TLL1: variants seen among roughly 807,000 people sequenced by gnomAD.
TLL1 encodes tolloid-like protein 1.
Under a neutral mutation model 128.2 loss-of-function variants are expected in TLL1, and 49 were observed. The ratio of observed to expected loss-of-function variants is 0.38; its 90% confidence interval spans 0.30 to 0.48. The LOEUF (loss-of-function observed/expected upper bound fraction) is 0.48. Ranked by LOEUF, TLL1 falls within the 20% of genes least tolerant of loss-of-function variation. The pLI is 0.96. For synonymous variants in TLL1, 454 were observed against 418.8 expected (o/e 1.08, Z -1.03); for missense variants, 1,123 against 1,242.0 (o/e 0.90, Z 1.44).
chr4:165,875,669 T>C (rs1668193234), intron 1 of TLL1, among the ~76,000 whole-genome samples: 1 of 152,222 alleles, frequency 6.6e-6, no homozygotes, highest in Admixed American at 6.5e-5. Context: ...TCCTTAAATG[T>C]ACTTTTTGCT....
At chr4:166,079,409 A>G (rs1046914645) in intron 18 of TLL1, among the ~76,000 whole-genome samples, 1 of 152,172 alleles carries the variant, frequency 6.6e-6, no homozygotes, top group Non-Finnish European at 1.5e-5. Context: ...TTTTCATTGC[A>G]TATAGAATTC....
At chr4:165,906,827 G>GTTTTT (rs372917139) in intron 1 of TLL1, among the ~76,000 whole-genome samples, 1 of 114,278 alleles carries the variant, frequency 8.8e-6, no homozygotes. Context: ...TATTTCTCCA[G>GTTTTT]TTTTTTTTTT....
chr4:165,942,657 T>A (rs1472163319), intron 1 of TLL1, among the ~76,000 whole-genome samples: 4 of 150,312 alleles, frequency 2.7e-5, no homozygotes, highest in Non-Finnish European at 5.9e-5. Context: ...GCTGTGGAAT[T>A]TGAACAAATT....
chr4:165,929,543 A>C (rs189029728), intron 1 of TLL1, among the ~76,000 whole-genome samples: 102 of 152,146 alleles, frequency 6.7e-4, no homozygotes, highest in African/African-American at 2.3e-3. Flanking sequence ...ATCTCAAAAA[A>C]AAAAAAAAAG....
At chr4:165,930,015 G>A (rs749857615) in intron 1 of TLL1, among the ~76,000 whole-genome samples, 14 of 152,102 alleles carry the variant, frequency 9.2e-5, no homozygotes, top group Non-Finnish European at 1.8e-4. Flanking sequence ...CTATGAATTT[G>A]TCACAACTTC....
intron 1 of TLL1, among the ~76,000 whole-genome samples, chr4:165,884,105 A>T (rs2110816990): frequency 6.6e-6 from 1 of 152,338 alleles, no homozygotes; most frequent in Non-Finnish European, 1.5e-5. Context: ...ACAATTTTTG[A>T]ACATTCTTAT....
chr4:166,066,112 C>T (rs1338029602), intron 16 of TLL1, among the ~76,000 whole-genome samples: 10 of 149,480 alleles, frequency 6.7e-5, no homozygotes, highest in East Asian at 3.9e-4. Context: ...GCTTTGTGTT[C>T]GGAAAATGTA....
At chr4:165,932,365 T>G (rs1733569199) in intron 1 of TLL1, among the ~76,000 whole-genome samples, 1 of 152,256 alleles carries the variant, frequency 6.6e-6, no homozygotes, top group African/African-American at 2.4e-5. Flanking sequence ...AAAAATGTTG[T>G]GTGAACAGGA....
chr4:165,887,282 C>T (rs1357564470), intron 1 of TLL1, among the ~76,000 whole-genome samples: 2 of 151,880 alleles, frequency 1.3e-5, no homozygotes, highest in Admixed American at 1.3e-4. Context: ...AGGAGGGAGG[C>T]TTGTTAGGTT....
At chr4:166,031,000 AAAGTT>A (rs1738742030) in intron 9 of TLL1, 2 of 941,168 alleles carry the variant, frequency 2.1e-6, no homozygotes, top group African/African-American at 3.6e-5. Flanking sequence ...TTTGCACATT[AAAGTT>A]ATCAAAAGTG....
At chr4:165,999,963 C>A (rs1329345333) in intron 5 of TLL1, among the ~76,000 whole-genome samples, 2 of 152,102 alleles carry the variant, frequency 1.3e-5, no homozygotes, top group African/African-American at 4.8e-5. Flanking sequence ...GTTTGGTCTA[C>A]CAAATAATGT....
intron 19 of TLL1, among the ~76,000 whole-genome samples, chr4:166,093,933 A>G (rs574095378): frequency 1.5e-4 from 23 of 152,108 alleles, no homozygotes; most frequent in African/African-American, 5.5e-4. Context: ...AAGATGGGGC[A>G]AAGTGGCTGG....
At chr4:166,039,730 C>T (rs1234994620) in intron 10 of TLL1, among the ~76,000 whole-genome samples, 3 of 151,806 alleles carry the variant, frequency 2.0e-5, no homozygotes, top group Non-Finnish European at 2.9e-5. Flanking sequence ...ATGAGTACTC[C>T]TCACAGTGTT....
At chr4:165,915,840 C>T (rs528855375) in intron 1 of TLL1, among the ~76,000 whole-genome samples, 42 of 152,162 alleles carry the variant, frequency 2.8e-4, no homozygotes, top group African/African-American at 9.9e-4. Flanking sequence ...GGTAACTGGC[C>T]ATAATGTATG....
intron 1 of TLL1, among the ~76,000 whole-genome samples, chr4:165,986,305 T>A (rs1736391364): frequency 6.6e-6 from 1 of 152,026 alleles, no homozygotes; most frequent in Admixed American, 6.6e-5. Context: ...GTAAAATATT[T>A]TAGTACACAG....
intron 16 of TLL1, among the ~76,000 whole-genome samples, chr4:166,069,434 A>G (rs907961519): frequency 1.3e-5 from 2 of 151,772 alleles, no homozygotes; most frequent in Admixed American, 6.6e-5. Flanking sequence ...GTAAAAAATA[A>G]TATTTGGTAA....
chr4:166,091,417 T>A, intron 19 of TLL1, 76 bp downstream of exon 19: 1 of 1,284,454 alleles, frequency 7.8e-7, no homozygotes, highest in Non-Finnish European at 1.1e-6. Flanking sequence ...GGTTCAATAA[T>A]AGGATTGTAA....
At chr4:165,926,185 T>A (rs1053840127) in intron 1 of TLL1, among the ~76,000 whole-genome samples, 6 of 152,170 alleles carry the variant, frequency 3.9e-5, no homozygotes, top group Non-Finnish European at 8.8e-5. Context: ...TTGATTTAAA[T>A]GAAAGATTGA....
intron 9 of TLL1, 45 bp downstream of exon 9, chr4:166,025,476 C>G (rs1560819650): frequency 7.2e-7 from 1 of 1,392,306 alleles, no homozygotes; most frequent in African/African-American, 1.4e-5. Context: ...TATATAAGTA[C>G]AAAAGTTCAT....
Sources: allele counts gnomAD v4.1 joint callset (sites outside exome capture counted in the v4.1 genomes callset), GRCh38; gene constraint gnomAD v4.1.1; transcripts MANE v1.5; gene names NCBI Gene and HGNC (gene_info 2026-07-23, HGNC 2026-07-21).